Variants in CSNK1G3 observed in about 807,000 individuals in gnomAD.
The protein encoded by CSNK1G3 is casein kinase 1 gamma 3.
A neutral mutation model predicts 64.3 loss-of-function variants in CSNK1G3; 23 were observed. The ratio of observed to expected loss-of-function variants is 0.36; its 90% CI spans 0.26 to 0.51. CSNK1G3 has a LOEUF of 0.51. Ranked by LOEUF, CSNK1G3 falls within the 20% of genes least tolerant of loss-of-function variation. The probability of loss-of-function intolerance (pLI) is 0.96; values close to 1 mark genes in which losing one functional copy is unlikely to be tolerated. For synonymous variants in CSNK1G3, 158 were observed against 162.2 expected (o/e 0.97, Z 0.20); for missense variants, 357 against 510.5 (o/e 0.70, Z 2.90).
At chr5:123,604,415 T>C (rs78582944) in intron 10 of CSNK1G3, among the ~76,000 whole-genome samples, 3 of 152,002 alleles carry the variant, frequency 2.0e-5, no homozygotes, top group Non-Finnish European at 4.4e-5. Context: ...AGGAAACTGA[T>C]TGAGACATAC....
At chr5:123,514,935 CAGTA>C (rs945333372) in intron 1 of CSNK1G3, among the ~76,000 whole-genome samples, 2 of 151,910 alleles carry the variant, frequency 1.3e-5, no homozygotes, top group Non-Finnish European at 2.9e-5. Flanking sequence ...CGTAGGCTGA[CAGTA>C]GGTAGGCAAA....
exon 13 of CSNK1G3, chr5:123,614,642 G>T: frequency 2.6e-6 from 1 of 384,236 alleles, no homozygotes; most frequent in Non-Finnish European, 4.7e-6. Flanking sequence ...ATCAGTGAAT[G>T]GAATGGACCA....
At chr5:123,605,228 C>G in intron 11 of CSNK1G3, 111 bp from the exon 13 acceptor site, 2 of 931,604 alleles carry the variant, frequency 2.1e-6, no homozygotes, top group Non-Finnish European at 3.2e-6. Flanking sequence ...AACAACATTG[C>G]TTGGAAAAAA....
intron 4 of CSNK1G3, among the ~76,000 whole-genome samples, chr5:123,563,891 A>G (rs1047164314): frequency 1.1e-4 from 17 of 152,098 alleles, no homozygotes; most frequent in Non-Finnish European, 2.4e-4. Flanking sequence ...AAAATATGAT[A>G]TGAGTGGGTT....
chr5:123,611,952 AT>A (rs1313547961), intron 12 of CSNK1G3, among the ~76,000 whole-genome samples: 2 of 152,210 alleles, frequency 1.3e-5, no homozygotes, highest in East Asian at 3.8e-4. Flanking sequence ...AGTAATTGAG[AT>A]TTGAGAAATA....
chr5:123,551,757 CCAATGTGA>C (rs1783694687), intron 2 of CSNK1G3, among the ~76,000 whole-genome samples: 1 of 151,930 alleles, frequency 6.6e-6, no homozygotes, highest in Non-Finnish European at 1.5e-5. Context: ...TGTTCAGTAG[CCAATGTGA>C]CCAGGGCCAG....
intron 6 of CSNK1G3, among the ~76,000 whole-genome samples, chr5:123,577,823 A>G (rs544719475): frequency 1.2e-4 from 19 of 152,014 alleles, no homozygotes; most frequent in South Asian, 1.0e-3. Context: ...CCCACACACT[A>G]TCAAGATTTA....
intron 2 of CSNK1G3, among the ~76,000 whole-genome samples, chr5:123,547,909 T>A (rs1782855615): frequency 6.6e-6 from 1 of 152,178 alleles, no homozygotes; most frequent in Non-Finnish European, 1.5e-5. Context: ...AATCTTTCTA[T>A]ACCTGGATAA....
intron 1 of CSNK1G3, among the ~76,000 whole-genome samples, chr5:123,517,299 C>A (rs1055294417): frequency 2.0e-4 from 30 of 152,000 alleles, no homozygotes; most frequent in African/African-American, 6.8e-4. Flanking sequence ...ACTTTTATTC[C>A]CCCCAGTTAC....
At chr5:123,534,494 A>G (rs1206048457) in intron 1 of CSNK1G3, among the ~76,000 whole-genome samples, 4 of 152,112 alleles carry the variant, frequency 2.6e-5, no homozygotes, top group African/African-American at 7.2e-5. Flanking sequence ...AATCAGAGCT[A>G]GAGATTTTTC....
intron 2 of CSNK1G3, 62 bp downstream of exon 2, chr5:123,545,903 TA>T: frequency 7.7e-7 from 1 of 1,304,726 alleles, no homozygotes; most frequent in South Asian, 1.3e-5. Context: ...AGATACTTTT[TA>T]ATGAAAATGA....
At chr5:123,584,834 A>G (rs1791008343) in intron 6 of CSNK1G3, among the ~76,000 whole-genome samples, 4 of 152,146 alleles carry the variant, frequency 2.6e-5, no homozygotes, top group Admixed American at 2.6e-4. Context: ...TGTCCATTTC[A>G]TGTAAGTTGT....
intron 12 of CSNK1G3, among the ~76,000 whole-genome samples, chr5:123,606,617 T>C (rs552051400): frequency 7.2e-5 from 11 of 152,170 alleles, no homozygotes; most frequent in Non-Finnish European, 1.5e-4. Context: ...TTATCACCCC[T>C]ATTTATTTCT....
intron 10 of CSNK1G3, among the ~76,000 whole-genome samples, chr5:123,595,955 T>TTACTGTAAAAAAA (rs1423988542): frequency 3.3e-5 from 5 of 152,198 alleles, no homozygotes; most frequent in Admixed American, 6.5e-5. Flanking sequence ...TACATTTCAA[T>TTACTGTAAAAAAA]TTAGAATTTT....
At chr5:123,549,459 T>C (rs1783223084) in intron 2 of CSNK1G3, among the ~76,000 whole-genome samples, 1 of 152,184 alleles carries the variant, frequency 6.6e-6, no homozygotes, top group Non-Finnish European at 1.5e-5. Context: ...TCCTTTTCTA[T>C]CTGGCCCATA....
intron 6 of CSNK1G3, among the ~76,000 whole-genome samples, chr5:123,581,360 G>GTTTT (rs10612602): frequency 1.6e-3 from 133 of 81,552 alleles, no homozygotes; most frequent in East Asian, 3.6e-3. Context: ...TTTTGGGTTT[G>GTTTT]TTTTTTTTTT....
chr5:123,596,075 G>T (rs1472714689), intron 10 of CSNK1G3, among the ~76,000 whole-genome samples: 1 of 151,640 alleles, frequency 6.6e-6, no homozygotes. Context: ...TCTGTACTCT[G>T]GGTGCTATTC....
intron 6 of CSNK1G3, among the ~76,000 whole-genome samples, chr5:123,580,232 A>T (rs1242877018): frequency 6.6e-6 from 1 of 151,902 alleles, no homozygotes; most frequent in Non-Finnish European, 1.5e-5. Flanking sequence ...ATTCATTCTT[A>T]GGCACTCAAG....
intron 10 of CSNK1G3, among the ~76,000 whole-genome samples, chr5:123,602,969 G>A (rs1794746721): frequency 1.3e-5 from 2 of 152,070 alleles, no homozygotes; most frequent in South Asian, 4.1e-4. Flanking sequence ...TCATACTTGA[G>A]AACACTGAGG....
Sources: gnomAD v4.1 joint callset for allele counts (sites outside exome capture counted in the v4.1 genomes callset) on GRCh38, gnomAD v4.1.1 for gene constraint, MANE v1.5 for transcripts, NCBI Gene and HGNC (gene_info 2026-07-23, HGNC 2026-07-21) for gene names.